The following CRADD variants were observed in gnomAD, a reference collection of about 807,000 sequenced individuals.
CRADD encodes the protein CARD and death domain containing adaptor protein, also known as death domain-containing protein CRADD.
Under a neutral mutation model 15.5 loss-of-function variants are expected in CRADD, and 9 were observed. The ratio of observed to expected loss-of-function variants is 0.58; its 90% CI spans 0.35 to 1.01. The LOEUF is 1.01. Among genes scored for constraint, CRADD ranks in the 50% least tolerant of loss-of-function variants. The pLI is 0.02. For synonymous variants in CRADD, 118 were observed against 107.6 expected (o/e 1.10, Z -0.60); for missense variants, 227 against 250.3 (o/e 0.91, Z 0.63).
At chr12:93,744,120 G>A (rs1956720077) in intron 2 of CRADD, among the ~76,000 whole-genome samples, 1 of 152,090 alleles carries the variant, frequency 6.6e-6, no homozygotes, top group Admixed American at 6.6e-5. Context: ...TCATTTCTGT[G>A]GGTCAGAAGC....
chr12:93,824,247 C>T lies in CRADD; in HGVS notation c.299-25723C>T, dbSNP rs1169128030. On this transcript the variant is annotated intron_variant, in intron 2 of 2. Transcript: ENST00000332896. The surrounding 1 kb of genome is among the most constrained non-coding windows in gnomAD (Gnocchi z 4.3). ...CAGTGTCTCAGCATACTTTCCAATG[C>T]TTCCAGTAATGGATTGTGCAAAACA... Among the ~76,000 whole-genome samples, 99 of 152,172 alleles carry T rather than the reference C, an allele frequency of 6.5e-4. No homozygotes were observed. The highest frequency in any genetic ancestry group is 6.5e-3 in the Admixed American group (99 of 15,280).
chr12:93,718,176 A>C (rs1956195741), intron 2 of CRADD, among the ~76,000 whole-genome samples: 1 of 152,086 alleles, frequency 6.6e-6, no homozygotes, highest in Non-Finnish European at 1.5e-5. Flanking sequence ...CTATATATAA[A>C]CTTTAGAATC....
intron 1 of CRADD, 94 bp downstream of exon 1, chr12:93,677,566 T>C (rs576666162): frequency 1.4e-4 from 21 of 152,416 alleles, no homozygotes; most frequent in African/African-American, 5.1e-4. Flanking sequence ...GCTAACTTGC[T>C]CCGCATTTCC....
chr12:93,788,115 C>T (rs991986903), intron 2 of CRADD, among the ~76,000 whole-genome samples: 1 of 152,072 alleles, frequency 6.6e-6, no homozygotes, highest in African/African-American at 2.4e-5. Flanking sequence ...TTAGTCTGTT[C>T]TTATGCTGCT....
chr12:93,764,501 C>T (rs1048436161), intron 2 of CRADD, among the ~76,000 whole-genome samples: 1 of 151,872 alleles, frequency 6.6e-6, no homozygotes, highest in African/African-American at 2.4e-5. Context: ...TTTCTTAGTC[C>T]TCTTATTGAT....
At chr12:93,881,257 AG>A (rs1241011882) in intron 2 of CRADD, among the ~76,000 whole-genome samples, 2 of 152,160 alleles carry the variant, frequency 1.3e-5, no homozygotes, top group Non-Finnish European at 2.9e-5. Flanking sequence ...CCTCTCAGAA[AG>A]GAAGAAGTTA....
intron 2 of CRADD, among the ~76,000 whole-genome samples, chr12:93,775,279 G>A (rs1317362757): frequency 6.6e-6 from 1 of 152,132 alleles, no homozygotes; most frequent in Admixed American, 6.5e-5. Flanking sequence ...GCAATTTTTG[G>A]TTAGGTACAG....
chr12:93,843,035 A>C (rs1331690992), intron 2 of CRADD, among the ~76,000 whole-genome samples: 2 of 152,192 alleles, frequency 1.3e-5, no homozygotes, highest in African/African-American at 4.8e-5. Context: ...TTAAATTCCC[A>C]TTTGGGATTT....
rs188676678 is a variant in CRADD, at chr12:93,680,919, T to C, written c.298+1847T>C. Among the ~76,000 whole-genome samples, 19 of 152,172 alleles carry C rather than the reference T, an allele frequency of 1.2e-4. No individual in the cohort carries two copies. In the East Asian group the frequency reaches 3.7e-3, roughly 29 times the overall value. ...TTTTTTTTGAGACGGAGTTTCACTC[T>C]TGTTGCCCAGGCTGGAGTGCAATGG... On this transcript the variant is annotated intron_variant, in intron 2 of 2. Coordinates refer to ENST00000332896, the MANE Select transcript of CRADD (RefSeq NM_003805.5).
intron 2 of CRADD, among the ~76,000 whole-genome samples, chr12:93,753,496 G>A (rs1956853675): frequency 6.6e-6 from 1 of 152,156 alleles, no homozygotes; most frequent in Admixed American, 6.5e-5. Flanking sequence ...TCTGAGACAA[G>A]GCAAGTCCCT....
At chr12:93,812,432 T>C (rs71458524) in intron 2 of CRADD, among the ~76,000 whole-genome samples, 28,776 of 151,440 alleles carry the variant, frequency 0.19, 2,877 homozygotes, top group Middle Eastern at 0.34. Context: ...CCTAGCACTT[T>C]GGGAGGCCGA....
intron 2 of CRADD, among the ~76,000 whole-genome samples, chr12:93,872,278 G>C (rs1958427229): frequency 6.6e-6 from 1 of 152,018 alleles, no homozygotes; most frequent in African/African-American, 2.4e-5. Flanking sequence ...TTCCTATAGA[G>C]TTGGAATCCT....
chr12:93,717,818 T>C (rs1956188944), intron 2 of CRADD, among the ~76,000 whole-genome samples: 1 of 152,062 alleles, frequency 6.6e-6, no homozygotes, highest in African/African-American at 2.4e-5. Context: ...GCCGCACCCT[T>C]CCTGTGATCT....
chr12:93,727,752 C>A (rs1457145890), intron 2 of CRADD, among the ~76,000 whole-genome samples: 1 of 152,108 alleles, frequency 6.6e-6, no homozygotes, highest in African/African-American at 2.4e-5. Context: ...GGCCAGCAAG[C>A]CAAAGGGATT....
intron 2 of CRADD, among the ~76,000 whole-genome samples, chr12:93,731,665 GGCTTAACAAATATAGCTATGTTT>G (rs1207517765): frequency 1.3e-5 from 2 of 152,154 alleles, no homozygotes; most frequent in Non-Finnish European, 2.9e-5. Context: ...TTAAAAAGTT[GGCTTAACAAATATAGCTATGTTT>G]GCTTAACAAA....
At chr12:93,804,930 C>G (rs894797784) in intron 2 of CRADD, among the ~76,000 whole-genome samples, 1 of 152,018 alleles carries the variant, frequency 6.6e-6, no homozygotes, top group Non-Finnish European at 1.5e-5. Context: ...ATTAATAATA[C>G]CTGCTATACA....
intron 2 of CRADD, among the ~76,000 whole-genome samples, chr12:93,781,413 G>A (rs1267138710): frequency 6.6e-6 from 1 of 152,202 alleles, no homozygotes; most frequent in African/African-American, 2.4e-5. Context: ...AATAAATGCA[G>A]AAGGGTGCTA....
At chr12:93,800,490 G>T (rs1056705104) in intron 2 of CRADD, among the ~76,000 whole-genome samples, 1 of 152,100 alleles carries the variant, frequency 6.6e-6, no homozygotes, top group Non-Finnish European at 1.5e-5. Context: ...GGAGATGACT[G>T]GATCATGGGG....
At chr12:93,887,415 A>C (rs41471347) in intron 2 of CRADD, among the ~76,000 whole-genome samples, 3 of 152,230 alleles carry the variant, frequency 2.0e-5, no homozygotes, top group Non-Finnish European at 2.9e-5. Flanking sequence ...AGAGGATACA[A>C]AATAAGGATT....
Sources: allele counts gnomAD v4.1 joint callset (sites outside exome capture counted in the v4.1 genomes callset), GRCh38; gene constraint gnomAD v4.1.1; non-coding constraint Gnocchi (gnomAD v3.1); transcripts MANE v1.5; gene names NCBI Gene and HGNC (gene_info 2026-07-23, HGNC 2026-07-21).